The following OLFML2A variants were observed in gnomAD, a reference collection of about 807,000 sequenced individuals.
OLFML2A encodes olfactomedin-like protein 2A.
Under a neutral mutation model 60.9 loss-of-function variants are expected in OLFML2A, and 47 were observed. That is an observed-to-expected ratio of 0.77 (90% CI 0.61 to 0.98). The LOEUF is 0.98. Ranked by LOEUF, OLFML2A falls within the 50% of genes least tolerant of loss-of-function variation. OLFML2A has a pLI of 0.00. For missense variants in OLFML2A, 922 were observed against 879.8 expected, an observed-to-expected ratio of 1.05 and a Z score of -0.61; for synonymous variants, 372 against 375.0, an observed-to-expected ratio of 0.99 and a Z score of 0.09.
chr9:124,809,301 C>G (rs1486131006), intron 7 of OLFML2A, among the ~76,000 whole-genome samples: 3 of 152,200 alleles, frequency 2.0e-5, no homozygotes, highest in Non-Finnish European at 4.4e-5. Flanking sequence ...ATGAAGGCTT[C>G]TGTCTGGCTG....
intron 5 of OLFML2A, among the ~76,000 whole-genome samples, chr9:124,802,024 A>G (rs1204137186): frequency 6.6e-6 from 1 of 152,166 alleles, no homozygotes; most frequent in Admixed American, 6.5e-5. Context: ...GTGAGAAAAA[A>G]TACCTATGAC....
intron 1 of OLFML2A, among the ~76,000 whole-genome samples, chr9:124,782,959 G>A (rs1365963096): frequency 6.6e-6 from 1 of 152,040 alleles, no homozygotes; most frequent in African/African-American, 2.4e-5. Context: ...AGCAGAGCTG[G>A]GAAGGGGACC....
At chr9:124,809,600 C>CTT (rs796228631) in intron 7 of OLFML2A, among the ~76,000 whole-genome samples, 1 of 146,880 alleles carries the variant, frequency 6.8e-6, no homozygotes, top group African/African-American at 2.5e-5. Flanking sequence ...TCCTCTGAGC[C>CTT]TTTTTTTTTT....
At chr9:124,784,944 T>TTTTTG (rs1841431043) in intron 1 of OLFML2A, among the ~76,000 whole-genome samples, 1 of 76,680 alleles carries the variant, frequency 1.3e-5, no homozygotes, top group African/African-American at 6.6e-5. Flanking sequence ...CTTTTACTTG[T>TTTTTG]TTTTTTTTTT....
chr9:124,785,379 C>T (rs1469020869), intron 1 of OLFML2A, among the ~76,000 whole-genome samples: 2 of 149,150 alleles, frequency 1.3e-5, no homozygotes, highest in Non-Finnish European at 3.0e-5. Context: ...GTTTGGATAC[C>T]CATTTTCTTT....
intron 7 of OLFML2A, 152 bp from the exon 8 acceptor site, chr9:124,809,656 C>T: frequency 1.2e-6 from 1 of 840,344 alleles, no homozygotes; most frequent in East Asian, 2.7e-5. Flanking sequence ...GACGCTTGTG[C>T]CATAATAAGA....
intron 4 of OLFML2A, chr9:124,800,905 C>T (rs1841761486): frequency 3.3e-6 from 5 of 1,537,634 alleles, no homozygotes; most frequent in Non-Finnish European, 4.4e-6. Context: ...CCAACCCTGT[C>T]CCAGTTTGCC....
chr9:124,814,604 G>C lies in OLFML2A; in HGVS notation c.*4192G>C, dbSNP rs781756117. 1 of 152,156 alleles carries C rather than the reference G, an allele frequency of 6.6e-6. No homozygotes were observed. The highest frequency in any genetic ancestry group is 1.5e-5 in the Non-Finnish European group (1 of 68,032). 9.4% of individuals were successfully genotyped at this position (152,156 alleles called of 1,614,324 possible). ...AAACCAGGTCTGTTTTTGTACCAGA[G>C]TCCCAGACTAACTGTTGGTAGGAAT... is the stretch of plus-strand genomic sequence containing the variant. On this transcript the variant is annotated 3_prime_UTR_variant, in exon 8 of 8. Transcript: ENST00000373580.
At chr9:124,790,520 G>A (rs976420515) in intron 2 of OLFML2A, among the ~76,000 whole-genome samples, 7 of 152,098 alleles carry the variant, frequency 4.6e-5, no homozygotes, top group South Asian at 2.1e-4. Flanking sequence ...CTGAAGAATC[G>A]TGAGACCACC....
chr9:124,809,115 C>T (rs1319783112), intron 7 of OLFML2A, among the ~76,000 whole-genome samples: 3 of 151,860 alleles, frequency 2.0e-5, no homozygotes, highest in Non-Finnish European at 4.4e-5. Context: ...TGCAGTGAGC[C>T]GAGATCGCAC....
rs1841846994 is a variant in OLFML2A, at chr9:124,804,318, T to C, written c.1144T>C (p.Ser382Pro). The change falls in exon 6 of 8, where the codon TCA (serine) becomes CCA (proline). Residue 382 changes from serine to proline, a missense_variant. Physicochemically the swap from Ser to Pro is moderately conservative, Grantham distance 74. Transcript: ENST00000373580. ...TTSLLPTEPP[S>P]GPEVSSQGRE... ...CAGTCTCCTGCCCACCGAGCCACCTTCAGGTCCAGAAGTCTCCAGCCAAGG... is the reference window on the plus strand; with the variant it reads ...CAGTCTCCTGCCCACCGAGCCACCTCCAGGTCCAGAAGTCTCCAGCCAAGG... 1.3e-6 allele frequency: 2 copies of C among 1,521,594 alleles called. No homozygotes were observed. The highest frequency in any genetic ancestry group is 1.8e-6 in the Non-Finnish European group (2 of 1,130,410). 94.3% of individuals were successfully genotyped at this position (1,521,594 alleles called of 1,614,324 possible).
At chr9:124,797,521 C>G (rs1841688986) in intron 3 of OLFML2A, among the ~76,000 whole-genome samples, 1 of 152,210 alleles carries the variant, frequency 6.6e-6, no homozygotes, top group South Asian at 2.1e-4. Flanking sequence ...ATGAGTCACC[C>G]AGGGATGACT....
Position 124,787,026 on chromosome 9 carries a change from C to T in OLFML2A, c.142C>T (p.Arg48Cys), listed in dbSNP as rs921849502. The stretch of plus-strand genomic sequence containing the variant: ...GATGACCTCGGAGGGCTCCGACTGC[C>T]GTTGCAAGTGCATCATGCGGCCCCT... ...VRMTSEGSDC[R>C]CKCIMRPLSK... Residue 48 changes from arginine to cysteine, a missense_variant, in exon 2 of 8, where the codon CGT (arginine) becomes TGT (cysteine). Coordinates refer to ENST00000373580, the MANE Select transcript of OLFML2A (RefSeq NM_182487.4). 8.1e-6 allele frequency: 13 copies of T among 1,613,848 alleles called. No individual in the cohort carries two copies. The African/African-American group carries it at 1.5e-4, about 18-fold the overall frequency.
At position 124,799,492 on chromosome 9, in the gene OLFML2A, G is replaced by A. The variant is rs1355313330; in HGVS notation, c.669+1G>A. 8.2e-6 allele frequency: 13 copies of A among 1,585,244 alleles called. No individual in the cohort carries two copies. In the East Asian group the frequency reaches 2.7e-4, roughly 33 times the overall value. ...CACGGGCACTGGTAGCAAGGCCCAG[G>A]TGAGGCCCCAGCTCTGATCATGGGG... On this transcript the variant is annotated splice_donor_variant, in intron 4 of 7. Transcript: ENST00000373580. LOFTEE classifies it high-confidence loss of function.
rs1004147465 is a variant in OLFML2A, at chr9:124,810,266, C to T, written c.1813C>T (p.His605Tyr). 5 of 1,611,572 alleles carry T rather than the reference C, an allele frequency of 3.1e-6. No individual in the cohort carries two copies. The African/African-American group carries it at 6.7e-5, about 22-fold the overall frequency. ...EGQVAYAFDT[H>Y]TGTDARPQLP... Reference sequence around the variant, plus strand: ...CCAGGTCGCCTACGCTTTCGACACGCACACGGGCACCGACGCACGCCCCCA... The same window carrying T: ...CCAGGTCGCCTACGCTTTCGACACGTACACGGGCACCGACGCACGCCCCCA... Residue 605 changes from histidine (H) to tyrosine (Y), a missense_variant, in exon 8 of 8, where the codon CAC becomes TAC. By Grantham distance (83) the His-to-Tyr change is moderately conservative. Coordinates refer to ENST00000373580, the MANE Select transcript of OLFML2A (RefSeq NM_182487.4).
At chr9:124,788,907 C>T (rs893089285) in intron 2 of OLFML2A, among the ~76,000 whole-genome samples, 1 of 152,046 alleles carries the variant, frequency 6.6e-6, no homozygotes, top group Non-Finnish European at 1.5e-5. Context: ...TTGTAAAGGA[C>T]CAGATTGTTT....
At chr9:124,787,593 T>G (rs1238131948) in intron 2 of OLFML2A, among the ~76,000 whole-genome samples, 1 of 139,466 alleles carries the variant, frequency 7.2e-6, no homozygotes, top group Admixed American at 7.7e-5. Context: ...AGAGTCTCGC[T>G]CTGTCACCCA....
intron 1 of OLFML2A, among the ~76,000 whole-genome samples, chr9:124,785,390 C>CTTTTTTTTTTTTTTT (rs1171618111): frequency 1.6e-5 from 1 of 62,254 alleles, no homozygotes; most frequent in Non-Finnish European, 2.8e-5. Context: ...CATTTTCTTT[C>CTTTTTTTTTTTTTTT]TTTTTTTTTT....
Position 124,801,667 on chromosome 9 carries a change from A to C in OLFML2A, c.919+4A>C. ...GAGGTGACCGAGGCGGTGGCAGGTG[A>C]GTAGGAGGGGAATGGGGACCCTGGG... On this transcript the variant is annotated splice_donor_region_variant and intron_variant, in intron 5 of 7. Transcript: ENST00000373580. The C allele has an allele frequency of 1.9e-6, 3 of 1,611,992 alleles. No homozygotes were observed. Among genetic ancestry groups the C allele is most frequent in the Non-Finnish European group, 2.5e-6 (3 of 1,178,796 alleles).
Sources: allele counts gnomAD v4.1 joint callset (sites outside exome capture counted in the v4.1 genomes callset), GRCh38; gene constraint gnomAD v4.1.1; transcripts MANE v1.5; gene names NCBI Gene and HGNC (gene_info 2026-07-23, HGNC 2026-07-21).